YLPM1: variants seen among roughly 807,000 people sequenced by gnomAD.
The protein encoded by YLPM1 is YLP motif-containing protein 1.
In YLPM1, 99 loss-of-function variants were observed where a neutral mutation model predicts 230.0. That is an observed-to-expected ratio of 0.43 (90% CI 0.37 to 0.51). The LOEUF is 0.51. Among genes scored for constraint, YLPM1 ranks in the 20% least tolerant of loss-of-function variants. YLPM1 has a pLI of 0.00. For missense variants in YLPM1, 2,592 were observed against 2,707.7 expected (o/e 0.96, Z 0.95); for synonymous variants, 984 against 942.5 (o/e 1.04, Z -0.81).
At chr14:74,807,004 G>T (rs879888685) in intron 6 of YLPM1, among the ~76,000 whole-genome samples, 6 of 152,082 alleles carry the variant, frequency 3.9e-5, no homozygotes, top group Non-Finnish European at 8.8e-5. Flanking sequence ...TACCCAGACT[G>T]AATAGCTTCA....
intron 4 of YLPM1, among the ~76,000 whole-genome samples, chr14:74,785,609 C>T (rs562694623): frequency 6.6e-6 from 1 of 152,288 alleles, no homozygotes; most frequent in African/African-American, 2.4e-5. Flanking sequence ...TCTTGTATTT[C>T]TAATTCAGAT....
At chr14:74,776,310 T>A (rs2091037700) in intron 1 of YLPM1, among the ~76,000 whole-genome samples, 1 of 152,250 alleles carries the variant, frequency 6.6e-6, no homozygotes, top group Non-Finnish European at 1.5e-5. Flanking sequence ...TCTTGTCACA[T>A]TTTTATCAAC....
chr14:74,764,489 C>T, intron 1 of YLPM1, 127 bp downstream of exon 1: 2 of 1,262,246 alleles, frequency 1.6e-6, no homozygotes, highest in Middle Eastern at 2.4e-4. Flanking sequence ...CAAAGGATTC[C>T]GTAAGAGTCA....
At chr14:74,814,146 G>A (rs1054544705) in intron 11 of YLPM1, among the ~76,000 whole-genome samples, 1 of 152,170 alleles carries the variant, frequency 6.6e-6, no homozygotes, top group African/African-American at 2.4e-5. Flanking sequence ...CGGATCATGA[G>A]GTCAGGAGAT....
chr14:74,798,277 A>C lies in YLPM1; in HGVS notation c.2980A>C (p.Asn994His). 1 of 1,614,016 alleles carries C rather than the reference A, an allele frequency of 6.2e-7. No individual in the cohort carries two copies. The highest frequency in any genetic ancestry group is 8.5e-7 in the Non-Finnish European group (1 of 1,179,900). ...GGGTATTGGTCTACCCCATTCAGAAAACAACCAAGATAAAGGCCTGCCTCG... is the reference window on the plus strand; with the variant it reads ...GGGTATTGGTCTACCCCATTCAGAACACAACCAAGATAAAGGCCTGCCTCG... ...PVGIGLPHSENNQDKGLPRPD... is the reference protein window; with the variant it reads ...PVGIGLPHSEHNQDKGLPRPD... Residue 994 changes from asparagine (N) to histidine (H), a missense_variant, in exon 5 of 21, where the codon AAC becomes CAC. Transcript: ENST00000325680.
intron 2 of YLPM1, 23 bp from the exon 3 acceptor site, chr14:74,780,382 G>C (rs780258099): frequency 4.4e-6 from 7 of 1,591,512 alleles, no homozygotes; most frequent in Non-Finnish European, 5.1e-6. Context: ...CTTACATAAA[G>C]ATGTGTCCTC....
chr14:74,831,679 T>C (rs969726817), intron 19 of YLPM1, among the ~76,000 whole-genome samples: 1 of 152,180 alleles, frequency 6.6e-6, no homozygotes, highest in Non-Finnish European at 1.5e-5. Context: ...TGACTTCAGA[T>C]AGTTTTTAAC....
chr14:74,777,293 C>G (rs188488865), intron 1 of YLPM1, among the ~76,000 whole-genome samples: 5 of 151,818 alleles, frequency 3.3e-5, no homozygotes, highest in African/African-American at 1.2e-4. Flanking sequence ...TGGCCAGGTG[C>G]GGTGGCTCAC....
intron 6 of YLPM1, among the ~76,000 whole-genome samples, chr14:74,803,038 T>A (rs2091343062): frequency 6.6e-6 from 1 of 151,828 alleles, no homozygotes; most frequent in South Asian, 2.1e-4. Context: ...GCGAGAGGAT[T>A]GCTTGAGCCC....
intron 19 of YLPM1, among the ~76,000 whole-genome samples, chr14:74,830,407 G>A (rs555168795): frequency 7.2e-5 from 11 of 152,222 alleles, no homozygotes; most frequent in African/African-American, 2.6e-4. Context: ...CAAAGGGATC[G>A]TATTATATAT....
intron 9 of YLPM1, among the ~76,000 whole-genome samples, chr14:74,810,713 CT>C (rs1281026757): frequency 7.5e-6 from 1 of 133,880 alleles, no homozygotes; most frequent in African/African-American, 3.5e-5. Flanking sequence ...AATTCATGAG[CT>C]TTTTATTTAT....
At chr14:74,835,095 T>A in intron 19 of YLPM1, 170 bp from the exon 20 acceptor site, 1 of 812,690 alleles carries the variant, frequency 1.2e-6, no homozygotes, top group East Asian at 2.7e-5. Flanking sequence ...GAGTTTTCTC[T>A]TTGTGACTTA....
Position 74,763,591 on chromosome 14 carries a change from C to T in YLPM1, c.102C>T (p.Pro34=). ...CGCTTCCTGAGGCCTCGCCGGGGCC[C>T]GGGTACTCGAGCTCGACGACTCCCG... ...PVALPEASPG[P]GYSSSTTPAA... Residue 34 remains proline (P), a synonymous_variant, in exon 1 of 21, where the codon CCC becomes CCT. Transcript: ENST00000325680. 6.3e-7 allele frequency: 1 copy of T among 1,588,990 alleles called. No homozygotes were observed.
intron 1 of YLPM1, among the ~76,000 whole-genome samples, chr14:74,772,461 C>T (rs562632550): frequency 4.6e-5 from 7 of 151,666 alleles, no homozygotes; most frequent in South Asian, 2.1e-4. Flanking sequence ...CAGGTTCAAG[C>T]GATTCTCCTG....
Position 74,763,329 on chromosome 14 carries a change from G to C in YLPM1, c.-161G>C, listed in dbSNP as rs2090867222. 1.2e-6 allele frequency: 1 copy of C among 809,084 alleles called. No individual in the cohort carries two copies. Among genetic ancestry groups the C allele is most frequent in the Non-Finnish European group, 1.7e-6 (1 of 582,192 alleles). The allele number at this position is 809,084 out of a possible 1,614,324, so 50.1% of individuals were successfully genotyped here. A position where few individuals can be genotyped will look rare whatever the true frequency, so the allele number is the denominator to read the frequency against. On this transcript the variant is annotated 5_prime_UTR_variant, in exon 1 of 21. Coordinates refer to ENST00000325680, the MANE Select transcript of YLPM1 (RefSeq NM_019589.3). ...TCGCGTCCCCGCCTTCCCGGTCGCG[G>C]GCCCAGCTCGGGAGCGCCGGCGCAC...
intron 19 of YLPM1, among the ~76,000 whole-genome samples, chr14:74,829,784 A>G (rs771471271): frequency 2.6e-5 from 4 of 152,110 alleles, no homozygotes; most frequent in Non-Finnish European, 4.4e-5. Context: ...AAACTGGGGG[A>G]GTCATAGGTC....
At chr14:74,801,030 A>T (rs2091319446) in intron 5 of YLPM1, among the ~76,000 whole-genome samples, 1 of 152,194 alleles carries the variant, frequency 6.6e-6, no homozygotes, top group African/African-American at 2.4e-5. Context: ...AATCTGTGTT[A>T]TTTATGGAGA....
intron 1 of YLPM1, among the ~76,000 whole-genome samples, chr14:74,766,338 GTCAT>G (rs1566734206): frequency 6.6e-6 from 1 of 152,034 alleles, no homozygotes; most frequent in Non-Finnish European, 1.5e-5. Flanking sequence ...TTTGGAATGT[GTCAT>G]TCAAAATTTC....
At chr14:74,799,751 T>C in intron 5 of YLPM1, 54 bp downstream of exon 5, 1 of 1,499,730 alleles carries the variant, frequency 6.7e-7, no homozygotes, top group Admixed American at 2.4e-5. Flanking sequence ...TTCAGACTGC[T>C]CTTTTTAAAG....
Sources: gnomAD v4.1 joint callset for allele counts (sites outside exome capture counted in the v4.1 genomes callset) on GRCh38, gnomAD v4.1.1 for gene constraint, MANE v1.5 for transcripts, NCBI Gene and HGNC (gene_info 2026-07-23, HGNC 2026-07-21) for gene names.